NMRK1: variants seen among roughly 807,000 people sequenced by gnomAD.
The protein encoded by NMRK1 is NRK 1.
NMRK1 carries 28 observed loss-of-function variants against 29.9 expected under a neutral mutation model. That is an observed-to-expected ratio of 0.94 (90% CI 0.69 to 1.28). NMRK1 has a LOEUF of 1.28. Among genes scored for constraint, NMRK1 ranks in the 50% most tolerant of loss-of-function variants. The pLI, the probability that NMRK1 is intolerant of heterozygous loss-of-function variation, is 0.00. For missense variants in NMRK1, 218 were observed against 233.1 expected, an observed-to-expected ratio of 0.94 and a Z score of 0.42; for synonymous variants, 58 against 73.0, an observed-to-expected ratio of 0.79 and a Z score of 1.05.
intron 4 of NMRK1, among the ~76,000 whole-genome samples, chr9:75,075,916 G>T (rs144528612): frequency 8.5e-5 from 13 of 152,304 alleles, no homozygotes; most frequent in African/African-American, 3.1e-4. Context: ...AGCCTAACTT[G>T]CTTCAGAAGA....
chr9:75,067,055 A>C, intron 7 of NMRK1: 1 of 409,822 alleles, frequency 2.4e-6, no homozygotes, highest in Non-Finnish European at 4.4e-6. Context: ...ATAAATCCAC[A>C]CTGGCTTATG....
At chr9:75,062,163 A>G (rs776387472) in intron 8 of NMRK1, among the ~76,000 whole-genome samples, 28 of 152,244 alleles carry the variant, frequency 1.8e-4, no homozygotes, top group Admixed American at 2.0e-4. Context: ...GAAGACAACC[A>G]ACAAAGAGTA....
intron 4 of NMRK1, among the ~76,000 whole-genome samples, chr9:75,075,379 C>G (rs370330295): frequency 6.6e-6 from 1 of 152,022 alleles, no homozygotes; most frequent in East Asian, 1.9e-4. Context: ...CTGGCTGCAA[C>G]TCAAGATGCA....
chr9:75,085,168 C>A (rs10869496), intron 1 of NMRK1, among the ~76,000 whole-genome samples: 47,372 of 151,996 alleles, frequency 0.31, 8,353 homozygotes, highest in Middle Eastern at 0.47. Flanking sequence ...CATTCCTTGC[C>A]CCCATTATTT....
intron 8 of NMRK1, 118 bp downstream of exon 8, chr9:75,066,639 A>AATGG (rs1244651015): frequency 5.4e-6 from 4 of 739,146 alleles, no homozygotes; most frequent in Non-Finnish European, 9.9e-6. Flanking sequence ...CAAAGCAAAG[A>AATGG]ATGGATGAGC....
intron 8 of NMRK1, 72 bp from the exon 9 acceptor site, chr9:75,061,639 A>G: frequency 8.0e-7 from 1 of 1,251,904 alleles, no homozygotes; most frequent in Admixed American, 1.9e-5. Context: ...TACATCAACA[A>G]CAGTAAATCT....
intron 7 of NMRK1, among the ~76,000 whole-genome samples, chr9:75,067,508 G>T (rs1388844094): frequency 2.0e-5 from 3 of 152,160 alleles, no homozygotes; most frequent in Non-Finnish European, 4.4e-5. Context: ...TGCACCCTTT[G>T]GAATGGCTAG....
chr9:75,078,668 C>T (rs1824150552), intron 2 of NMRK1: 1 of 575,678 alleles, frequency 1.7e-6, no homozygotes, highest in Non-Finnish European at 2.4e-6. Flanking sequence ...AGAAATTTAG[C>T]ATCTCCTTTA....
In NMRK1 at chr9:75,077,211, G is replaced by T. The variant is rs745310260; in HGVS notation, c.121-4C>A. On this transcript the variant is annotated splice_polypyrimidine_tract_variant and splice_region_variant and intron_variant, in intron 3 of 8. Transcript: ENST00000361092. ...CTGTCTCTATCTCAGACTCTGGCTG[G>T]AAAAATAATAAAGTACCCATCAAAA... The T allele has an allele frequency of 4.4e-6, 7 of 1,588,098 alleles. No individual in the cohort carries two copies. Among genetic ancestry groups the T allele is most frequent in the South Asian group, 2.2e-5 (2 of 88,940 alleles).
intron 2 of NMRK1, chr9:75,078,670 T>C (rs1824150942): frequency 1.8e-6 from 1 of 541,168 alleles, no homozygotes; most frequent in Admixed American, 5.0e-5. Context: ...AAATTTAGCA[T>C]CTCCTTTAAT....
chr9:75,067,423 A>G (rs1250707514), intron 7 of NMRK1, among the ~76,000 whole-genome samples: 1 of 152,154 alleles, frequency 6.6e-6, no homozygotes, highest in African/African-American at 2.4e-5. Context: ...AAAAAGTAGA[A>G]GTTGTCTAGG....
chr9:75,064,666 G>A (rs1823236616), intron 8 of NMRK1, among the ~76,000 whole-genome samples: 1 of 152,152 alleles, frequency 6.6e-6, no homozygotes, highest in South Asian at 2.1e-4. Context: ...GGATCAATGA[G>A]CTGCCTAGTT....
chr9:75,070,451 T>C (rs1298020427), intron 4 of NMRK1, among the ~76,000 whole-genome samples: 1 of 152,214 alleles, frequency 6.6e-6, no homozygotes, highest in African/African-American at 2.4e-5. Flanking sequence ...ATCTGTAATG[T>C]CTTTGGCAAA....
chr9:75,065,144 C>A (rs754492673), intron 8 of NMRK1, among the ~76,000 whole-genome samples: 2 of 152,140 alleles, frequency 1.3e-5, no homozygotes, highest in Non-Finnish European at 2.9e-5. Context: ...AGATTATAGG[C>A]ACGTGCCACT....
chr9:75,068,528 A>G (rs905789441), intron 7 of NMRK1, among the ~76,000 whole-genome samples: 1 of 152,094 alleles, frequency 6.6e-6, no homozygotes, highest in African/African-American at 2.4e-5. Context: ...TATCTCCCCA[A>G]CCCATCTCCT....
intron 8 of NMRK1, among the ~76,000 whole-genome samples, chr9:75,066,023 T>C (rs1823317640): frequency 6.6e-6 from 1 of 152,178 alleles, no homozygotes; most frequent in Admixed American, 6.5e-5. Context: ...GAAAGTAGAA[T>C]AGAAGCAGAG....
At chr9:75,074,640 G>A (rs1022395094) in intron 4 of NMRK1, among the ~76,000 whole-genome samples, 1 of 152,018 alleles carries the variant, frequency 6.6e-6, no homozygotes, top group African/African-American at 2.4e-5. Context: ...TACCCACCTT[G>A]GCCTCCCAAA....
chr9:75,074,396 A>T (rs1302048056), intron 4 of NMRK1, among the ~76,000 whole-genome samples: 4 of 145,734 alleles, frequency 2.7e-5, no homozygotes, highest in Middle Eastern at 3.8e-3. Context: ...TGATTTATTT[A>T]TTTATTTTTT....
At chr9:75,068,439 GCTTT>G (rs1823494820) in intron 7 of NMRK1, among the ~76,000 whole-genome samples, 1 of 152,174 alleles carries the variant, frequency 6.6e-6, no homozygotes, top group South Asian at 2.1e-4. Flanking sequence ...CTCAACACCA[GCTTT>G]CTTTCAGGGG....
Sources: allele counts gnomAD v4.1 joint callset (sites outside exome capture counted in the v4.1 genomes callset), GRCh38; gene constraint gnomAD v4.1.1; transcripts MANE v1.5; gene names NCBI Gene and HGNC (gene_info 2026-07-23, HGNC 2026-07-21).